The following MMRN1 variants were observed in gnomAD, a reference collection of about 807,000 sequenced individuals.
The protein encoded by MMRN1 is multimerin-1.
MMRN1 carries 94 observed loss-of-function variants against 100.7 expected under a neutral mutation model. The observed-to-expected ratio is 0.93, with a 90% CI of 0.79 to 1.11. The LOEUF is 1.11. Among genes scored for constraint, MMRN1 ranks in the 50% least tolerant of loss-of-function variants. MMRN1 has a pLI of 0.00. For synonymous variants in MMRN1, 575 were observed against 505.0 expected (o/e 1.14, Z -1.86); for missense variants, 1,606 against 1,439.1 (o/e 1.12, Z -1.88).
intron 6 of MMRN1, among the ~76,000 whole-genome samples, chr4:89,940,872 C>T (rs1288012731): frequency 2.0e-5 from 3 of 152,038 alleles, no homozygotes; most frequent in Non-Finnish European, 4.4e-5. Flanking sequence ...AAACTTATAG[C>T]ATCTCATTGT....
At chr4:89,930,458 G>A (rs1359906719) in intron 5 of MMRN1, among the ~76,000 whole-genome samples, 2 of 151,988 alleles carry the variant, frequency 1.3e-5, no homozygotes, top group Non-Finnish European at 2.9e-5. Context: ...TTTTAGGCAT[G>A]TAGTTTTTTG....
intron 6 of MMRN1, among the ~76,000 whole-genome samples, chr4:89,949,835 A>G (rs1044086559): frequency 3.3e-5 from 5 of 152,234 alleles, no homozygotes; most frequent in African/African-American, 9.6e-5. Context: ...TTGTATGGCT[A>G]TGAAACAAAA....
Position 89,934,904 on chromosome 4 carries a change from G to A in MMRN1, c.1224G>A (p.Gln408=). Residue 408 remains glutamine (Q), a synonymous_variant, in exon 6 of 8, where the codon CAG becomes CAA. Coordinates refer to ENST00000264790, the MANE Select transcript of MMRN1 (RefSeq NM_007351.3). ...FQNDMQETVA[Q]LFKTVSSLSE... ...ATGACATGCAAGAGACTGTAGCACA[G>A]CTCTTCAAGACTGTATCAAGTCTAT... 6.2e-7 allele frequency: 1 copy of A among 1,611,232 alleles called. No homozygotes were observed. The highest frequency in any genetic ancestry group is 8.5e-7 in the Non-Finnish European group (1 of 1,178,848).
intron 4 of MMRN1, 132 bp from the exon 5 acceptor site, chr4:89,927,663 G>C: frequency 1.4e-6 from 1 of 704,112 alleles, no homozygotes; most frequent in Non-Finnish European, 2.3e-6. Context: ...GAAAAATAGT[G>C]GTGAAAGTGA....
Position 89,911,959 on chromosome 4 carries a change from C to CTCAGAAGAT in MMRN1, c.759_760insTCAGAAGAT (p.Ser253_Asn254insSerGluAsp). The stretch of plus-strand genomic sequence containing the variant: ...AACTCTCTAGATCTCAGAAGATATC[C>CTCAGAAGAT]AATCCTGTCTATAGGATGCAACATA... On this transcript the variant is annotated inframe_insertion, in exon 3 of 8. Coordinates refer to ENST00000264790, the MANE Select transcript of MMRN1 (RefSeq NM_007351.3). The CTCAGAAGAT allele has an allele frequency of 6.3e-7, 1 of 1,597,740 alleles. No individual in the cohort carries two copies. Among genetic ancestry groups the CTCAGAAGAT allele is most frequent in the Non-Finnish European group, 8.6e-7 (1 of 1,168,894 alleles).
chr4:89,889,463 T>C (rs1181394398), intron 1 of MMRN1, among the ~76,000 whole-genome samples: 1 of 152,144 alleles, frequency 6.6e-6, no homozygotes, highest in Non-Finnish European at 1.5e-5. Flanking sequence ...GCATAGTTCC[T>C]GCTTATCCCT....
chr4:89,896,830 T>C (rs59718120), intron 1 of MMRN1, among the ~76,000 whole-genome samples: 13,420 of 152,226 alleles, frequency 0.088, 783 homozygotes, highest in East Asian at 0.24. Flanking sequence ...TCAAAAGTTA[T>C]AGAATTTTTC....
chr4:89,885,201 T>C (rs1720910028), intron 1 of MMRN1, among the ~76,000 whole-genome samples: 1 of 150,298 alleles, frequency 6.7e-6, no homozygotes, highest in South Asian at 2.2e-4. Context: ...CTCTACTTTC[T>C]CTCTTTCTTT....
At chr4:89,916,193 T>C (rs1165817428) in intron 3 of MMRN1, among the ~76,000 whole-genome samples, 2 of 151,528 alleles carry the variant, frequency 1.3e-5, no homozygotes, top group Non-Finnish European at 3.0e-5. Context: ...TAACATAAAC[T>C]ATTGAATTTG....
chr4:89,923,183 G>A lies in MMRN1; in HGVS notation c.866G>A (p.Ser289Asn), dbSNP rs1722145108. ...TTCCTTCTAGCCCAGGAACAGCAAA[G>A]TTTGATACACACCAACCAGGCTGAA... is the stretch of plus-strand genomic sequence containing the variant. ...KCQLRAQEQQ[S>N]LIHTNQAESH... The change falls in exon 4 of 8, where the codon AGT becomes AAT. Residue 289 changes from serine to asparagine, a missense_variant. By Grantham distance (46) the Ser-to-Asn change is conservative. Transcript: ENST00000264790. 6.2e-7 allele frequency: 1 copy of A among 1,613,798 alleles called. No homozygotes were observed. The highest frequency in any genetic ancestry group is 1.1e-5 in the South Asian group (1 of 91,068).
In MMRN1 at chr4:89,935,418, T is replaced by G; in HGVS notation, c.1738T>G (p.Ser580Ala). The change falls in exon 6 of 8, where the codon TCT becomes GCT. Residue 580 changes from serine to alanine, a missense_variant. Transcript: ENST00000264790. The stretch of plus-strand genomic sequence containing the variant: ...AAGCAAGATTAACAATCTCACCGTC[T>G]CTTTGGAGATGGAGAAAGAGTCTCT... ...QESKINNLTV[S>A]LEMEKESLRG... 6.2e-7 allele frequency: 1 copy of G among 1,613,490 alleles called. No homozygotes were observed. The highest frequency in any genetic ancestry group is 8.5e-7 in the Non-Finnish European group (1 of 1,179,746).
At chr4:89,950,138 C>A (rs999934004) in intron 6 of MMRN1, among the ~76,000 whole-genome samples, 10 of 152,194 alleles carry the variant, frequency 6.6e-5, no homozygotes, top group African/African-American at 2.4e-4. Flanking sequence ...CTGTAACTTT[C>A]TGTCTTCAGT....
At chr4:89,928,904 G>A (rs1722348320) in intron 5 of MMRN1, among the ~76,000 whole-genome samples, 1 of 152,104 alleles carries the variant, frequency 6.6e-6, no homozygotes, top group South Asian at 2.1e-4. Flanking sequence ...GACACCTTGG[G>A]GGAAAGGGGT....
rs377227297 is a variant in MMRN1 at position 89,936,917 on chromosome 4, TAGTC to T, written c.3118+121_3118+124del. The T allele has an allele frequency of 4.7e-4, 417 of 890,954 alleles. 1 individual carries two copies. The African/African-American group carries it at 6.5e-3, about 14-fold the overall frequency. 55.2% of individuals were successfully genotyped at this position (890,954 alleles called of 1,614,324 possible). On this transcript the variant is annotated intron_variant, in intron 6 of 7. Coordinates refer to ENST00000264790, the MANE Select transcript of MMRN1 (RefSeq NM_007351.3). Reference sequence around the variant, plus strand: ...AACTACATACTTGAACTTGGATAGATAGTCAAGTTGTGAAGATCACTGACATTAT... The same window carrying T: ...AACTACATACTTGAACTTGGATAGATAAGTTGTGAAGATCACTGACATTAT...
In MMRN1 at chr4:89,953,502, T is replaced by C; in HGVS notation, c.*84T>C. On this transcript the variant is annotated 3_prime_UTR_variant, in exon 8 of 8. Transcript: ENST00000264790. ...CTTTGCTTGCACATCTGCTCTGTTTTGGTTTTTCTACAGGAAATGAAAATC... is the reference window on the plus strand; with the variant it reads ...CTTTGCTTGCACATCTGCTCTGTTTCGGTTTTTCTACAGGAAATGAAAATC... 1 of 1,311,616 alleles carries C rather than the reference T, an allele frequency of 7.6e-7. No homozygotes were observed. Among genetic ancestry groups the C allele is most frequent in the Non-Finnish European group, 1.0e-6 (1 of 976,156 alleles). 81.2% of individuals were successfully genotyped at this position (1,311,616 alleles called of 1,614,324 possible). A position where few individuals can be genotyped will look rare whatever the true frequency, so the allele number is the denominator to read the frequency against.
chr4:89,892,179 A>C (rs1721069231), upstream of MMRN1, among the ~76,000 whole-genome samples: 1 of 151,822 alleles, frequency 6.6e-6, no homozygotes, highest in Non-Finnish European at 1.5e-5. Flanking sequence ...ATGACATAAA[A>C]ATCTCCTGAT....
Position 89,936,096 on chromosome 4 carries a change from C to A in MMRN1, c.2416C>A (p.Leu806Ile). The change falls in exon 6 of 8, where the codon CTT becomes ATT. Residue 806 changes from leucine (L) to isoleucine (I), a missense_variant. Coordinates refer to ENST00000264790, the MANE Select transcript of MMRN1 (RefSeq NM_007351.3). Reference sequence around the variant, plus strand: ...CTTTGTTTTGCAAGTCGCCAAGACCCTTGCAGGTATTCCCAGAGATGAGAA... The same window carrying A: ...CTTTGTTTTGCAAGTCGCCAAGACCATTGCAGGTATTCCCAGAGATGAGAA... ...YNFVLQVAKT[L>I]AGIPRDEKLN... The A allele has an allele frequency of 6.2e-7, 1 of 1,612,342 alleles. No individual in the cohort carries two copies. Among genetic ancestry groups the A allele is most frequent in the Non-Finnish European group, 8.5e-7 (1 of 1,179,446 alleles).
intron 1 of MMRN1, among the ~76,000 whole-genome samples, chr4:89,887,259 T>A (rs1720959496): frequency 6.6e-6 from 1 of 151,980 alleles, no homozygotes; most frequent in Admixed American, 6.6e-5. Flanking sequence ...GCAATCCCTA[T>A]CAAAATACCA....
At chr4:89,899,905 A>G (rs1472623726) in intron 1 of MMRN1, among the ~76,000 whole-genome samples, 1 of 151,976 alleles carries the variant, frequency 6.6e-6, no homozygotes, top group African/African-American at 2.4e-5. Context: ...ACCATAATCC[A>G]TGATCCACAA....
Sources: gnomAD v4.1 joint callset for allele counts (sites outside exome capture counted in the v4.1 genomes callset) on GRCh38, gnomAD v4.1.1 for gene constraint, MANE v1.5 for transcripts, NCBI Gene and HGNC (gene_info 2026-07-23, HGNC 2026-07-21) for gene names.